Variants in COL9A2 observed in about 807,000 individuals in gnomAD.
The protein encoded by COL9A2 is collagen alpha-2(IX) chain.
In COL9A2, 66 loss-of-function variants were observed where a neutral mutation model predicts 111.6. The observed-to-expected ratio is 0.59, with a 90% confidence interval of 0.48 to 0.73. COL9A2 has a LOEUF of 0.73. COL9A2 is among the 30% of genes least tolerant of loss of function. The pLI, the probability that COL9A2 is intolerant of heterozygous loss-of-function variation, is 0.00. For synonymous variants in COL9A2, 353 were observed against 364.1 expected (o/e 0.97, Z 0.35); for missense variants, 881 against 954.1 (o/e 0.92, Z 1.01).
Position 40,312,837 on chromosome 1 carries a change from C to G in COL9A2, c.250-53G>C. On this transcript the variant is annotated intron_variant, in intron 4 of 31. Transcript: ENST00000372748. The surrounding 1 kb of genome is among the most constrained non-coding windows in gnomAD (Gnocchi z 6.0). ...ATGAGGGCCAACCTGCTCCCTGACCCACAGAGCAGGGCAGGTTCAAGGGTC... is the reference window on the plus strand; with the variant it reads ...ATGAGGGCCAACCTGCTCCCTGACCGACAGAGCAGGGCAGGTTCAAGGGTC... 2.0e-6 allele frequency: 3 copies of G among 1,504,360 alleles called. No homozygotes were observed. The highest frequency in any genetic ancestry group is 2.7e-6 in the Non-Finnish European group (3 of 1,105,994). 93.2% of individuals were successfully genotyped at this position (1,504,360 alleles called of 1,614,324 possible).
intron 16 of COL9A2, 146 bp from the exon 17 acceptor site, chr1:40,308,391 G>A (rs1644064083): frequency 3.6e-6 from 3 of 833,576 alleles, no homozygotes; most frequent in Admixed American, 4.1e-5. Context: ...GGAGGAGAGA[G>A]CCTTGGGAGT....
At chr1:40,308,922 G>A (rs1017209677) in intron 16 of COL9A2, among the ~76,000 whole-genome samples, 2 of 152,098 alleles carry the variant, frequency 1.3e-5, no homozygotes, top group Non-Finnish European at 2.9e-5. Flanking sequence ...ACTCTCACTG[G>A]TTTTCTGTAT....
chr1:40,312,059 C>A lies in COL9A2; in HGVS notation c.417G>T (p.Lys139Asn). ...LPGEIGIRGP[K>N]GDPGPDGPSG... ...TGAACAGAGGGTGGCTGAGGCTCAC[C>A]TTGGGGCCTCGGATTCCAATCTCAC... Residue 139 changes from lysine to asparagine, a missense_variant and splice_region_variant, in exon 8 of 32, where the codon AAG becomes AAT. By Grantham distance (94) the Lys-to-Asn change is moderately conservative. Coordinates refer to ENST00000372748, the MANE Select transcript of COL9A2 (RefSeq NM_001852.4). This position sits in a 1 kb window ranked among gnomAD's most constrained non-coding sequence, Gnocchi z 6.0. 1 of 1,599,402 alleles carries A rather than the reference C, an allele frequency of 6.3e-7. No homozygotes were observed.
Position 40,303,292 on chromosome 1 carries a change from G to C in COL9A2, c.1549-107C>G. 4 of 1,247,340 alleles carry C rather than the reference G, an allele frequency of 3.2e-6. No individual in the cohort carries two copies. Among genetic ancestry groups the C allele is most frequent in the Non-Finnish European group, 4.6e-6 (4 of 874,196 alleles). 77.3% of individuals were successfully genotyped at this position (1,247,340 alleles called of 1,614,324 possible). On this transcript the variant is annotated intron_variant, in intron 28 of 31. Coordinates refer to ENST00000372748, the MANE Select transcript of COL9A2 (RefSeq NM_001852.4). This position sits in a 1 kb window ranked among gnomAD's most constrained non-coding sequence, Gnocchi z 4.6. The stretch of plus-strand genomic sequence containing the variant: ...GCCATGGAGGAGACTCTGGTGTTGA[G>C]TCATTAATTCCCAAGCTGAGGAACA...
chr1:40,304,299 T>A, intron 24 of COL9A2, 21 bp downstream of exon 24: 1 of 1,552,850 alleles, frequency 6.4e-7, no homozygotes, highest in Non-Finnish European at 8.7e-7. Context: ...TTCCCAGGTG[T>A]TTCCCAGCCC....
In COL9A2 at chr1:40,314,664, A is replaced by T. The variant is rs1404914827; in HGVS notation, c.151-277T>A. ...AGACATGCTGATGTCATGAGGTGCC[A>T]GCTGTGAGACCCACTACCAGGGCTG... On this transcript the variant is annotated intron_variant, in intron 2 of 31. Transcript: ENST00000372748. This position sits in a 1 kb window ranked among gnomAD's most constrained non-coding sequence, Gnocchi z 4.1. Among the ~76,000 whole-genome samples, 1 of 152,172 alleles carries T rather than the reference A, an allele frequency of 6.6e-6. No individual in the cohort carries two copies. The highest frequency in any genetic ancestry group is 1.9e-4 in the East Asian group (1 of 5,194).
chr1:40,310,877 C>T lies in COL9A2; in HGVS notation c.631-110G>A. ...CAGCACAAGCAGACGGGAGGGACTA[C>T]TACGAACCCTACAGTCCTGTGTTAC... On this transcript the variant is annotated intron_variant, in intron 12 of 31. Transcript: ENST00000372748. The surrounding 1 kb of genome is among the most constrained non-coding windows in gnomAD (Gnocchi z 4.9). 9.4e-7 allele frequency: 1 copy of T among 1,058,746 alleles called. No homozygotes were observed. The highest frequency in any genetic ancestry group is 1.4e-6 in the Non-Finnish European group (1 of 700,548). 65.6% of individuals were successfully genotyped at this position (1,058,746 alleles called of 1,614,324 possible). A position where few individuals can be genotyped will look rare whatever the true frequency, so the allele number is the denominator to read the frequency against.
intron 30 of COL9A2, 75 bp from the exon 31 acceptor site, chr1:40,301,964 G>A (rs776614013): frequency 3.7e-5 from 52 of 1,411,308 alleles, no homozygotes; most frequent in Non-Finnish European, 4.9e-5. Flanking sequence ...TATGTTTCAC[G>A]CAAAGAAATT....
At position 40,303,469 on chromosome 1, in the gene COL9A2, A is replaced by G. The variant is rs1643948465; in HGVS notation, c.1548+61T>C. On this transcript the variant is annotated intron_variant, in intron 28 of 31. Coordinates refer to ENST00000372748, the MANE Select transcript of COL9A2 (RefSeq NM_001852.4). This position sits in a 1 kb window ranked among gnomAD's most constrained non-coding sequence, Gnocchi z 4.6. ...GGGAATCCCTAGCCTTTGGCGGGTAAGCCGCACCCCAGAACAGATCTACCT... is the reference window on the plus strand; with the variant it reads ...GGGAATCCCTAGCCTTTGGCGGGTAGGCCGCACCCCAGAACAGATCTACCT... 2 of 1,604,040 alleles carry G rather than the reference A, an allele frequency of 1.2e-6. No individual in the cohort carries two copies. Among genetic ancestry groups the G allele is most frequent in the Non-Finnish European group, 1.7e-6 (2 of 1,174,790 alleles).
In COL9A2 at chr1:40,317,204, CG is replaced by C; in HGVS notation, c.-8del. ...AGGCCGTAGCGGCGGCCATGGCTGG[CG>C]GCGAGACCAAGGGGGACGGGTGCGT... is the stretch of plus-strand genomic sequence containing the variant. On this transcript the variant is annotated 5_prime_UTR_variant, in exon 1 of 32. Transcript: ENST00000372748. This position sits in a 1 kb window ranked among gnomAD's most constrained non-coding sequence, Gnocchi z 4.3. 2 of 1,554,924 alleles carry C rather than the reference CG, an allele frequency of 1.3e-6. No homozygotes were observed. The highest frequency in any genetic ancestry group is 1.7e-6 in the Non-Finnish European group (2 of 1,148,984).
chr1:40,302,900 T>C lies in COL9A2; in HGVS notation c.1604-91A>G. 1 of 1,331,188 alleles carries C rather than the reference T, an allele frequency of 7.5e-7. No homozygotes were observed. 82.5% of individuals were successfully genotyped at this position (1,331,188 alleles called of 1,614,324 possible). A position where few individuals can be genotyped will look rare whatever the true frequency, so the allele number is the denominator to read the frequency against. ...GGAGGCAGAGCATTCCGATGGGCCCTGGCCCCTAGGTTTGCAGACAGAAAA... is the reference window on the plus strand; with the variant it reads ...GGAGGCAGAGCATTCCGATGGGCCCCGGCCCCTAGGTTTGCAGACAGAAAA... On this transcript the variant is annotated intron_variant, in intron 29 of 31. Coordinates refer to ENST00000372748, the MANE Select transcript of COL9A2 (RefSeq NM_001852.4). This position sits in a 1 kb window ranked among gnomAD's most constrained non-coding sequence, Gnocchi z 4.5.
chr1:40,315,483 C>A, intron 2 of COL9A2, 107 bp downstream of exon 2: 1 of 1,473,942 alleles, frequency 6.8e-7, no homozygotes. Context: ...CGACGAGGGG[C>A]ACTACATCTC....
intron 16 of COL9A2, 121 bp downstream of exon 16, chr1:40,309,814 ACAC>A (rs1644090369): frequency 1.1e-6 from 1 of 923,434 alleles, no homozygotes; most frequent in African/African-American, 1.6e-5. Context: ...ACACTCACAC[ACAC>A]TACACATTCA....
At position 40,311,964 on chromosome 1, in the gene COL9A2, A is replaced by G. The variant is rs1557803048; in HGVS notation, c.417+95T>C. 3 of 1,344,728 alleles carry G rather than the reference A, an allele frequency of 2.2e-6. No individual in the cohort carries two copies. The highest frequency in any genetic ancestry group is 3.1e-6 in the Non-Finnish European group (3 of 956,790). The allele number at this position is 1,344,728 out of a possible 1,614,324, so 83.3% of individuals were successfully genotyped here. On this transcript the variant is annotated intron_variant, in intron 8 of 31. Coordinates refer to ENST00000372748, the MANE Select transcript of COL9A2 (RefSeq NM_001852.4). The surrounding 1 kb of genome is among the most constrained non-coding windows in gnomAD (Gnocchi z 5.1). Reference sequence around the variant, plus strand: ...GACCTGGAGGAGTTTCCCAGTGGCCAGGAGCAGGCCCAGGAACTTCCAGAA... The same window carrying G: ...GACCTGGAGGAGTTTCCCAGTGGCCGGGAGCAGGCCCAGGAACTTCCAGAA...
At chr1:40,315,110 A>G in intron 2 of COL9A2, 1 of 551,906 alleles carries the variant, frequency 1.8e-6, no homozygotes. Flanking sequence ...TTTCAGAATG[A>G]GGTATTTAAC....
At chr1:40,301,785 T>C (rs751603033) in intron 31 of COL9A2, 27 bp downstream of exon 31, 2 of 1,607,634 alleles carry the variant, frequency 1.2e-6, no homozygotes, top group African/African-American at 1.3e-5. Context: ...AGGAACACAC[T>C]GCAGCTGGGC....
In COL9A2 at chr1:40,316,787, G is replaced by C. The variant is rs1644226244; in HGVS notation, c.75+336C>G. 2.5e-6 allele frequency: 1 copy of C among 394,032 alleles called. No homozygotes were observed. Among genetic ancestry groups the C allele is most frequent in the Admixed American group, 4.4e-5 (1 of 22,768 alleles). 24.4% of individuals were successfully genotyped at this position (394,032 alleles called of 1,614,324 possible). On this transcript the variant is annotated intron_variant, in intron 1 of 31. Transcript: ENST00000372748. This position sits in a 1 kb window ranked among gnomAD's most constrained non-coding sequence, Gnocchi z 5.5. ...GGGAGGCGGCGGGGGCGGAGGCTGC[G>C]CAGCGGGTGAATGAGCACCATTGTA...
rs1643951680 is a variant in COL9A2 at position 40,303,584 on chromosome 1, T to C, written c.1494A>G (p.Arg498=). ...VQGYPGPPGP[R]GLAGNRGVPG... is the part of the protein sequence containing the mutation. ...GCACGCCTCGGTTCCCGGCCAGTCC[T>C]CGAGGGCCGGGGGGACCAGGGTAGC... Residue 498 remains arginine, a synonymous_variant, in exon 28 of 32, where the codon CGA becomes CGG. Transcript: ENST00000372748. This position sits in a 1 kb window ranked among gnomAD's most constrained non-coding sequence, Gnocchi z 4.6. The C allele has an allele frequency of 1.2e-6, 2 of 1,609,256 alleles. No homozygotes were observed. The highest frequency in any genetic ancestry group is 1.3e-5 in the African/African-American group (1 of 74,676).
Position 40,307,205 on chromosome 1 carries a change from C to CA in COL9A2, c.1008+240dup, listed in dbSNP as rs2124069844. Reference sequence around the variant, plus strand: ...CTTTTTCCTGGAGGCGGTGGGGAGCCATGGAAGGTGCTATAGTGCAGAAAT... The same window carrying CA: ...CTTTTTCCTGGAGGCGGTGGGGAGCCAATGGAAGGTGCTATAGTGCAGAAAT... On this transcript the variant is annotated intron_variant, in intron 19 of 31. Transcript: ENST00000372748. The surrounding 1 kb of genome is among the most constrained non-coding windows in gnomAD (Gnocchi z 4.8). Among the ~76,000 whole-genome samples, 1 of 152,228 alleles carries CA rather than the reference C, an allele frequency of 6.6e-6. No individual in the cohort carries two copies. The highest frequency in any genetic ancestry group is 2.1e-4 in the South Asian group (1 of 4,820).
Sources: allele counts gnomAD v4.1 joint callset (sites outside exome capture counted in the v4.1 genomes callset), GRCh38; gene constraint gnomAD v4.1.1; non-coding constraint Gnocchi (gnomAD v3.1); transcripts MANE v1.5; gene names NCBI Gene and HGNC (gene_info 2026-07-23, HGNC 2026-07-21).